The following SERPINE2 variants were observed in gnomAD, a reference collection of about 807,000 sequenced individuals.
SERPINE2 encodes serpin family E member 2, also known as glia-derived nexin.
SERPINE2 carries 14 observed loss-of-function variants against 36.3 expected under a neutral mutation model. That is an observed-to-expected ratio of 0.39 (90% CI 0.25 to 0.60). The LOEUF (loss-of-function observed/expected upper bound fraction) is 0.60, where lower values mean the gene tolerates loss of function less well. SERPINE2 is among the 20% of genes least tolerant of loss of function. The pLI is 0.57. For missense variants in SERPINE2, 418 were observed against 499.6 expected (o/e 0.84, Z 1.56); for synonymous variants, 192 against 191.8 (o/e 1.00, Z -0.01).
chr2:223,997,996 G>A (rs982228190), intron 3 of SERPINE2, 119 bp downstream of exon 3: 2 of 752,476 alleles, frequency 2.7e-6, no homozygotes, highest in Admixed American at 2.1e-5. Context: ...CCTTGGTCCA[G>A]GAGTTTCTCA....
chr2:223,983,212 G>A (rs1461942270), intron 5 of SERPINE2, among the ~76,000 whole-genome samples: 1 of 152,196 alleles, frequency 6.6e-6, no homozygotes, highest in Non-Finnish European at 1.5e-5. Flanking sequence ...TATTGGGATT[G>A]GAGATGGTCA....
chr2:223,988,391 T>C (rs1389979381), intron 4 of SERPINE2, among the ~76,000 whole-genome samples: 1 of 152,090 alleles, frequency 6.6e-6, no homozygotes, highest in Admixed American at 6.6e-5. Context: ...AGGATCATCT[T>C]GAACTCCCAG....
chr2:223,983,734 ATATG>A (rs1243274714), intron 5 of SERPINE2, among the ~76,000 whole-genome samples: 22 of 77,260 alleles, frequency 2.8e-4, no homozygotes, highest in African/African-American at 1.4e-3. Flanking sequence ...ATATGTGTGT[ATATG>A]TGTGTGTGTG....
At chr2:223,987,539 A>G (rs1364708576) in intron 4 of SERPINE2, among the ~76,000 whole-genome samples, 1 of 152,206 alleles carries the variant, frequency 6.6e-6, no homozygotes, top group Non-Finnish European at 1.5e-5. Flanking sequence ...AACAAGGGTC[A>G]TTTCTGCAGT....
chr2:224,014,168 A>G (rs528495048), intron 1 of SERPINE2, among the ~76,000 whole-genome samples: 2 of 152,270 alleles, frequency 1.3e-5, no homozygotes, highest in African/African-American at 4.8e-5. Flanking sequence ...TGAGGTCAGG[A>G]GATCGAGACC....
At chr2:224,024,832 CCTT>C (rs1692130894) in intron 1 of SERPINE2, among the ~76,000 whole-genome samples, 1 of 152,184 alleles carries the variant, frequency 6.6e-6, no homozygotes, top group African/African-American at 2.4e-5. Flanking sequence ...TGGAAGTTCT[CCTT>C]CTCAGCTTTA....
At chr2:224,017,800 G>A (rs183660820) in intron 1 of SERPINE2, among the ~76,000 whole-genome samples, 57 of 152,282 alleles carry the variant, frequency 3.7e-4, no homozygotes, top group Non-Finnish European at 7.5e-4. Context: ...CTCGAAGCTG[G>A]CCTCTGCTGT....
At chr2:224,015,596 G>C (rs1280056311) in intron 1 of SERPINE2, among the ~76,000 whole-genome samples, 1 of 152,200 alleles carries the variant, frequency 6.6e-6, no homozygotes, top group African/African-American at 2.4e-5. Flanking sequence ...CAAATAGGCA[G>C]CTCATCAAGA....
intron 1 of SERPINE2, among the ~76,000 whole-genome samples, chr2:224,015,813 GAA>G (rs1559214929): frequency 6.6e-6 from 1 of 152,114 alleles, no homozygotes; most frequent in Non-Finnish European, 1.5e-5. Flanking sequence ...TCATCAAAAT[GAA>G]AAGTTTTACT....
chr2:224,033,243 G>A (rs946804569), intron 1 of SERPINE2, among the ~76,000 whole-genome samples: 2 of 152,166 alleles, frequency 1.3e-5, no homozygotes, highest in Non-Finnish European at 2.9e-5. Flanking sequence ...TCAAGTATAT[G>A]GGACCTAATT....
intron 1 of SERPINE2, among the ~76,000 whole-genome samples, chr2:224,018,594 A>AC (rs951191316): frequency 5.9e-5 from 9 of 151,812 alleles, no homozygotes; most frequent in Non-Finnish European, 1.3e-4. Flanking sequence ...ACTTCTCAAA[A>AC]AAAAAAAATA....
At chr2:223,984,394 C>T (rs1044873687) in intron 5 of SERPINE2, among the ~76,000 whole-genome samples, 1 of 152,086 alleles carries the variant, frequency 6.6e-6, no homozygotes, top group Non-Finnish European at 1.5e-5. Context: ...TCTATTAAAC[C>T]TCACTGTACT....
chr2:224,027,440 G>A (rs1692223130), intron 1 of SERPINE2, among the ~76,000 whole-genome samples: 1 of 152,084 alleles, frequency 6.6e-6, no homozygotes, highest in Non-Finnish European at 1.5e-5. Context: ...GGACTTCCAC[G>A]CAGCCTTCCC....
chr2:223,994,060 C>CCT (rs2106153839), intron 3 of SERPINE2, among the ~76,000 whole-genome samples: 1 of 152,286 alleles, frequency 6.6e-6, no homozygotes, highest in African/African-American at 2.4e-5. Flanking sequence ...TCAATGGTCC[C>CCT]CTGGACTTCT....
chr2:224,031,635 A>G (rs1008487298), intron 1 of SERPINE2, among the ~76,000 whole-genome samples: 1 of 152,004 alleles, frequency 6.6e-6, no homozygotes, highest in Admixed American at 6.5e-5. Flanking sequence ...CGAGCATGTG[A>G]CCATGTGACT....
At chr2:224,004,159 C>T (rs762354234) in intron 1 of SERPINE2, among the ~76,000 whole-genome samples, 14 of 152,100 alleles carry the variant, frequency 9.2e-5, no homozygotes, top group African/African-American at 2.4e-4. Flanking sequence ...GCTAAGAAAA[C>T]GCTTGTGTTT....
At chr2:224,031,227 C>T (rs905519764) in intron 1 of SERPINE2, 3 of 981,418 alleles carry the variant, frequency 3.1e-6, no homozygotes, top group Non-Finnish European at 3.6e-6. Flanking sequence ...TACATATTCA[C>T]AGGGTGTGCC....
rs74945897 is a variant in SERPINE2, at chr2:224,030,771, T to C, written c.-23+8328A>G. On this transcript the variant is annotated intron_variant, in intron 1 of 8. Transcript: ENST00000409304. The stretch of plus-strand genomic sequence containing the variant: ...GCAAACAGAGTTCAATTAGGCATGT[T>C]TGAAAAGTCATGGCACACTTGTTCT... 9.4e-3 allele frequency: 1,574 copies of C among 166,680 alleles called. 24 individuals are homozygous for C. The highest frequency in any genetic ancestry group is 0.035 in the African/African-American group (1,483 of 41,822). 10.3% of individuals were successfully genotyped at this position (166,680 alleles called of 1,614,324 possible).
chr2:224,011,721 T>C (rs527524746), intron 1 of SERPINE2, among the ~76,000 whole-genome samples: 7 of 152,248 alleles, frequency 4.6e-5, no homozygotes, highest in Non-Finnish European at 1.0e-4. Context: ...TATCTATCTA[T>C]TGGAACAGTA....
Sources: allele counts gnomAD v4.1 joint callset (sites outside exome capture counted in the v4.1 genomes callset), GRCh38; gene constraint gnomAD v4.1.1; transcripts MANE v1.5; gene names NCBI Gene and HGNC (gene_info 2026-07-23, HGNC 2026-07-21).